NOS1AP: variants seen among roughly 807,000 people sequenced by gnomAD.
NOS1AP encodes the protein carboxyl-terminal PDZ ligand of neuronal nitric oxide synthase protein.
Under a neutral mutation model 56.2 loss-of-function variants are expected in NOS1AP, and 21 were observed. The observed-to-expected ratio is 0.37, with a 90% CI of 0.26 to 0.54. NOS1AP has a LOEUF of 0.54. NOS1AP is among the 20% of genes least tolerant of loss of function. The probability of loss-of-function intolerance (pLI) is 0.84; values close to 1 mark genes in which losing one functional copy is unlikely to be tolerated. For missense variants in NOS1AP, 522 were observed against 657.8 expected, an observed-to-expected ratio of 0.79 and a Z score of 2.26; for synonymous variants, 270 against 274.6, an observed-to-expected ratio of 0.98 and a Z score of 0.17.
rs565491060 is a variant in NOS1AP at position 162,216,892 on chromosome 1, T to C, written c.177+62416T>C. Among the ~76,000 whole-genome samples the C allele has an allele frequency of 3.3e-5, 5 of 152,266 alleles. No homozygotes were observed. The South Asian group carries it at 1.0e-3, about 32-fold the overall frequency. ...AGACAGCATAGCAGTACTTATAAGT[T>C]TATGGTTTTGGTAGGATTAGATGAG... On this transcript the variant is annotated intron_variant, in intron 2 of 9. Coordinates refer to ENST00000361897, the MANE Select transcript of NOS1AP (RefSeq NM_014697.3).
chr1:162,191,160 A>G (rs1476241447), intron 2 of NOS1AP, among the ~76,000 whole-genome samples: 1 of 152,144 alleles, frequency 6.6e-6, no homozygotes, highest in Non-Finnish European at 1.5e-5. Context: ...TATGTAAAGC[A>G]GCTCTTCTGT....
intron 2 of NOS1AP, among the ~76,000 whole-genome samples, chr1:162,270,281 G>C (rs1010913160): frequency 4.6e-5 from 7 of 152,106 alleles, no homozygotes; most frequent in Non-Finnish European, 8.8e-5. Context: ...CTATCTTTTA[G>C]TATTGTCAGA....
In NOS1AP at chr1:162,318,663, T is replaced by C. The variant is rs955931427; in HGVS notation, c.345-14354T>C. Among the ~76,000 whole-genome samples, 9 of 152,070 alleles carry C rather than the reference T, an allele frequency of 5.9e-5. No individual in the cohort carries two copies. In the East Asian group the frequency reaches 1.7e-3, roughly 29 times the overall value. ...CCCCCTTTCTTCTTCTTCTTCTTGA[T>C]CCTCAGGGGATGTCGTATTTCCTAT... On this transcript the variant is annotated intron_variant, in intron 4 of 9. Transcript: ENST00000361897.
At chr1:162,225,934 G>A (rs560888613) in intron 2 of NOS1AP, among the ~76,000 whole-genome samples, 2 of 152,262 alleles carry the variant, frequency 1.3e-5, no homozygotes, top group East Asian at 3.9e-4. Context: ...TTTATGTTAA[G>A]AAGCAAGGAA....
chr1:162,073,560 G>A (rs1404037519), intron 1 of NOS1AP, among the ~76,000 whole-genome samples: 1 of 152,184 alleles, frequency 6.6e-6, no homozygotes, highest in Middle Eastern at 3.4e-3. Flanking sequence ...TCCCAGGTTC[G>A]AGTGATTCTC....
At chr1:162,269,262 G>C (rs1044605315) in intron 2 of NOS1AP, among the ~76,000 whole-genome samples, 8 of 152,110 alleles carry the variant, frequency 5.3e-5, no homozygotes, top group Admixed American at 2.0e-4. Flanking sequence ...ATCCCTTACA[G>C]TTCCTTGGTT....
intron 2 of NOS1AP, among the ~76,000 whole-genome samples, chr1:162,280,707 T>G (rs1366547644): frequency 6.6e-6 from 1 of 152,150 alleles, no homozygotes; most frequent in Non-Finnish European, 1.5e-5. Context: ...TCCTTTTGAG[T>G]ATTTTGGAGA....
At chr1:162,109,905 A>T (rs1009023935) in intron 1 of NOS1AP, among the ~76,000 whole-genome samples, 2 of 152,156 alleles carry the variant, frequency 1.3e-5, no homozygotes, top group Non-Finnish European at 2.9e-5. Context: ...CTAGATTATG[A>T]TTCTCTTTTA....
At chr1:162,184,051 G>A (rs1408679216) in intron 2 of NOS1AP, among the ~76,000 whole-genome samples, 3 of 152,162 alleles carry the variant, frequency 2.0e-5, no homozygotes, top group Non-Finnish European at 4.4e-5. Context: ...GGTTTAAAGT[G>A]AGAGAGGTAA....
intron 2 of NOS1AP, among the ~76,000 whole-genome samples, chr1:162,248,300 G>C (rs894339066): frequency 2.0e-5 from 3 of 152,174 alleles, no homozygotes; most frequent in African/African-American, 7.2e-5. Context: ...ACTCAGGCAT[G>C]TGAAGTGCCC....
chr1:162,121,307 T>C lies in NOS1AP; in HGVS notation c.106-33098T>C, dbSNP rs1001912960. 2.0e-5 allele frequency among the ~76,000 whole-genome samples: 3 copies of C among 151,950 alleles called. No individual in the cohort carries two copies. The East Asian group carries it at 5.8e-4, about 29-fold the overall frequency. On this transcript the variant is annotated intron_variant, in intron 1 of 9. Coordinates refer to ENST00000361897, the MANE Select transcript of NOS1AP (RefSeq NM_014697.3). The stretch of plus-strand genomic sequence containing the variant: ...CACACCCGGCTAATTTCTGTATTTT[T>C]AGTGGAGACGGGGTTTGGCCAGGCT...
intron 4 of NOS1AP, among the ~76,000 whole-genome samples, chr1:162,306,923 G>T (rs1029595867): frequency 2.6e-5 from 4 of 151,426 alleles, no homozygotes; most frequent in African/African-American, 4.9e-5. Flanking sequence ...AGAGGCAGAG[G>T]CTGCACTCCA....
chr1:162,204,258 A>C (rs540894484), intron 2 of NOS1AP, among the ~76,000 whole-genome samples: 1 of 152,316 alleles, frequency 6.6e-6, no homozygotes, highest in South Asian at 2.1e-4. Flanking sequence ...TCTTTCAGCA[A>C]CACCGTGCTC....
intron 2 of NOS1AP, among the ~76,000 whole-genome samples, chr1:162,163,647 G>C (rs930152851): frequency 1.3e-5 from 2 of 152,100 alleles, no homozygotes; most frequent in Non-Finnish European, 2.9e-5. Flanking sequence ...AAATGTTCCA[G>C]ACAGAGGTCA....
chr1:162,230,949 C>G (rs1052770515), intron 2 of NOS1AP, among the ~76,000 whole-genome samples: 2 of 152,170 alleles, frequency 1.3e-5, no homozygotes, highest in Admixed American at 6.5e-5. Flanking sequence ...CTGCTGTGAA[C>G]ATAGGTGTAC....
intron 4 of NOS1AP, 128 bp from the exon 5 acceptor site, chr1:162,332,889 A>C (rs373949256): frequency 4.8e-5 from 35 of 730,090 alleles, no homozygotes; most frequent in East Asian, 4.2e-4. Context: ...TCCTGAAGGA[A>C]GAAGACTTTC....
intron 2 of NOS1AP, among the ~76,000 whole-genome samples, chr1:162,185,563 C>A (rs1234894783): frequency 1.3e-5 from 2 of 152,262 alleles, no homozygotes; most frequent in East Asian, 3.9e-4. Flanking sequence ...CAGCTGTGTC[C>A]TCAAAGCTGG....
intron 2 of NOS1AP, among the ~76,000 whole-genome samples, chr1:162,186,573 G>A (rs1161929233): frequency 6.6e-6 from 1 of 152,152 alleles, no homozygotes; most frequent in Non-Finnish European, 1.5e-5. Context: ...TCAAGAGGTG[G>A]TAATTAGACT....
chr1:162,163,790 C>T (rs1436318386), intron 2 of NOS1AP, among the ~76,000 whole-genome samples: 1 of 152,114 alleles, frequency 6.6e-6, no homozygotes, highest in African/African-American at 2.4e-5. Context: ...ATTTTATTCC[C>T]AGGAGAATCA....
Sources: gnomAD v4.1 joint callset for allele counts (sites outside exome capture counted in the v4.1 genomes callset) on GRCh38, gnomAD v4.1.1 for gene constraint, MANE v1.5 for transcripts, NCBI Gene and HGNC (gene_info 2026-07-23, HGNC 2026-07-21) for gene names.